Variants in SNTB1 observed in about 807,000 individuals in gnomAD.
The protein encoded by SNTB1 is beta-1-syntrophin.
In SNTB1, 36 loss-of-function variants were observed where a neutral mutation model predicts 48.9. The ratio of observed to expected loss-of-function variants is 0.74; its 90% CI spans 0.56 to 0.97. The LOEUF (loss-of-function observed/expected upper bound fraction) is 0.97. Among genes scored for constraint, SNTB1 ranks in the 50% least tolerant of loss-of-function variants. SNTB1 has a pLI of 0.00. For synonymous variants in SNTB1, 299 were observed against 294.6 expected, an observed-to-expected ratio of 1.01 and a Z score of -0.15; for missense variants, 786 against 703.4, an observed-to-expected ratio of 1.12 and a Z score of -1.33.
Position 120,536,550 on chromosome 8 carries a change from T to C in SNTB1, c.*2327A>G, listed in dbSNP as rs1469163505. The C allele has an allele frequency of 6.6e-6, 1 of 152,208 alleles. No homozygotes were observed. Among genetic ancestry groups the C allele is most frequent in the Non-Finnish European group, 1.5e-5 (1 of 68,014 alleles). The allele number at this position is 152,208 out of a possible 1,614,324, so 9.4% of individuals were successfully genotyped here. A position where few individuals can be genotyped will look rare whatever the true frequency, so the allele number is the denominator to read the frequency against. On this transcript the variant is annotated 3_prime_UTR_variant, in exon 7 of 7. Transcript: ENST00000517992. ...ATTCATTAGAGCCTCTCTATTATGA[T>C]ACATTTTAACTTGGGGGAAAAATGA...
chr8:120,636,024 G>A, intron 2 of SNTB1: 1 of 1,006,952 alleles, frequency 9.9e-7, no homozygotes, highest in Non-Finnish European at 1.3e-6. Flanking sequence ...TTGCAAGATG[G>A]CTACTGAGTT....
At chr8:120,679,977 G>A (rs766131120) in intron 2 of SNTB1, among the ~76,000 whole-genome samples, 21 of 151,906 alleles carry the variant, frequency 1.4e-4, no homozygotes, top group Non-Finnish European at 2.8e-4. Context: ...AGGAACTATA[G>A]AACTATATTT....
intron 1 of SNTB1, among the ~76,000 whole-genome samples, chr8:120,777,002 T>C (rs1227093511): frequency 2.0e-5 from 3 of 152,178 alleles, no homozygotes; most frequent in Non-Finnish European, 4.4e-5. Context: ...AGAATTAACA[T>C]TCCAGTTTTA....
chr8:120,725,418 C>T (rs1818735965), intron 1 of SNTB1, among the ~76,000 whole-genome samples: 1 of 152,156 alleles, frequency 6.6e-6, no homozygotes, highest in African/African-American at 2.4e-5. Flanking sequence ...CACCTAGGTC[C>T]TTGTCTCAAA....
At chr8:120,598,286 T>G (rs10109195) in intron 3 of SNTB1, among the ~76,000 whole-genome samples, 37,218 of 152,170 alleles carry the variant, frequency 0.24, 4,779 homozygotes, top group African/African-American at 0.32. Flanking sequence ...GGTCTCCACA[T>G]TTCCACATGA....
chr8:120,811,126 A>T, intron 1 of SNTB1, 147 bp downstream of exon 1: 1 of 1,133,410 alleles, frequency 8.8e-7, no homozygotes, highest in Non-Finnish European at 1.2e-6. Flanking sequence ...CCCCTGCGCC[A>T]CCCTTCCCCC....
chr8:120,731,176 A>T (rs114074238), intron 1 of SNTB1, among the ~76,000 whole-genome samples: 91 of 152,238 alleles, frequency 6.0e-4, no homozygotes, highest in African/African-American at 2.2e-3. Context: ...TAAGAAGAAA[A>T]AGTACAAGTA....
At chr8:120,700,281 A>G (rs924345638) in intron 1 of SNTB1, among the ~76,000 whole-genome samples, 1 of 152,152 alleles carries the variant, frequency 6.6e-6, no homozygotes, top group Non-Finnish European at 1.5e-5. Context: ...TGATTTTGTA[A>G]GCTTGAACTA....
At chr8:120,708,268 A>T (rs1169759928) in intron 1 of SNTB1, among the ~76,000 whole-genome samples, 1 of 151,716 alleles carries the variant, frequency 6.6e-6, no homozygotes, top group African/African-American at 2.4e-5. Flanking sequence ...CTCTTAAAGG[A>T]ATGGGAAAAT....
intron 1 of SNTB1, among the ~76,000 whole-genome samples, chr8:120,800,409 A>ATC (rs1820204433): frequency 6.6e-6 from 1 of 152,124 alleles, no homozygotes; most frequent in Non-Finnish European, 1.5e-5. Flanking sequence ...GAGATTAAAG[A>ATC]CATTTTCAGA....
intron 4 of SNTB1, among the ~76,000 whole-genome samples, chr8:120,557,970 C>G (rs1163016599): frequency 1.3e-5 from 2 of 152,190 alleles, no homozygotes; most frequent in Non-Finnish European, 2.9e-5. Context: ...CTTGGAAACA[C>G]ATTACTGTAG....
In SNTB1 at chr8:120,811,593, G is replaced by A; in HGVS notation, c.251C>T (p.Pro84Leu). 2 of 1,567,544 alleles carry A rather than the reference G, an allele frequency of 1.3e-6. No individual in the cohort carries two copies. The highest frequency in any genetic ancestry group is 1.7e-6 in the Non-Finnish European group (2 of 1,159,524). Residue 84 changes from proline to leucine, a missense_variant, in exon 1 of 7, where the codon CCC (proline) becomes CTC (leucine). Transcript: ENST00000517992. ...AGHPGAGGAQ[P>L]PDSPAGVRTA... is the part of the protein sequence containing the mutation. The stretch of plus-strand genomic sequence containing the variant: ...GCGGACCCCGGCGGGCGAGTCCGGG[G>A]GCTGCGCGCCGCCCGCGCCCGGGTG...
intron 3 of SNTB1, among the ~76,000 whole-genome samples, chr8:120,613,121 G>A (rs938610129): frequency 7.9e-5 from 12 of 151,932 alleles, no homozygotes; most frequent in Non-Finnish European, 1.8e-4. Flanking sequence ...AGGCTGAGGC[G>A]GGTGGATCAG....
chr8:120,611,339 G>A (rs926890874), intron 3 of SNTB1, among the ~76,000 whole-genome samples: 5 of 108,358 alleles, frequency 4.6e-5, no homozygotes, highest in Admixed American at 2.9e-4. Context: ...TTGGCAAATA[G>A]CAATTAGAAG....
intron 4 of SNTB1, among the ~76,000 whole-genome samples, chr8:120,569,327 C>T (rs1815805369): frequency 1.3e-5 from 2 of 152,198 alleles, no homozygotes; most frequent in African/African-American, 4.8e-5. Flanking sequence ...AAGAGGTTTC[C>T]ATTTCCTGTT....
chr8:120,634,579 G>A (rs1233341982), intron 2 of SNTB1, among the ~76,000 whole-genome samples: 1 of 152,098 alleles, frequency 6.6e-6, no homozygotes, highest in African/African-American at 2.4e-5. Context: ...TCTTATGGGG[G>A]GCACTCACTG....
At chr8:120,794,931 T>A (rs1229294995) in intron 1 of SNTB1, among the ~76,000 whole-genome samples, 1 of 152,044 alleles carries the variant, frequency 6.6e-6, no homozygotes, top group East Asian at 1.9e-4. Flanking sequence ...TCAGTCTATC[T>A]CTAGTGACTC....
intron 2 of SNTB1, among the ~76,000 whole-genome samples, chr8:120,658,640 T>C (rs1459706984): frequency 6.6e-6 from 1 of 152,250 alleles, no homozygotes; most frequent in Non-Finnish European, 1.5e-5. Context: ...AACTTAAAAA[T>C]ACTTTAATGC....
At chr8:120,692,738 A>G (rs6984374) in intron 2 of SNTB1, among the ~76,000 whole-genome samples, 66,365 of 151,984 alleles carry the variant, frequency 0.44, 17,688 homozygotes, top group East Asian at 0.73. Flanking sequence ...GCCTTAAAGC[A>G]ACTCTCATCT....
Sources: gnomAD v4.1 joint callset for allele counts (sites outside exome capture counted in the v4.1 genomes callset) on GRCh38, gnomAD v4.1.1 for gene constraint, MANE v1.5 for transcripts, NCBI Gene and HGNC (gene_info 2026-07-23, HGNC 2026-07-21) for gene names.